CNPY1: variants seen among roughly 807,000 people sequenced by gnomAD.
The protein encoded by CNPY1 is protein canopy homolog 1.
Under a neutral mutation model 14.4 loss-of-function variants are expected in CNPY1, and 14 were observed. The ratio of observed to expected loss-of-function variants is 0.97; its 90% confidence interval spans 0.64 to 1.52. The LOEUF is 1.52. CNPY1 is among the 40% of genes most tolerant of loss of function. The probability of loss-of-function intolerance (pLI) is 0.00; values close to 1 mark genes in which losing one functional copy is unlikely to be tolerated. For synonymous variants in CNPY1, 43 were observed against 46.5 expected (o/e 0.92, Z 0.31); for missense variants, 129 against 131.5 (o/e 0.98, Z 0.09).
rs1796158205 is a variant in CNPY1, at chr7:155,502,760, G to GT, written c.*307dup. The stretch of plus-strand genomic sequence containing the variant: ...GCATACATTATGAAATCCCTATTTT[G>GT]TTTATGAAATGTCTTCGCTTTTTTC... On this transcript the variant is annotated 3_prime_UTR_variant, in exon 5 of 5. Transcript: ENST00000636446. 1 of 369,646 alleles carries GT rather than the reference G, an allele frequency of 2.7e-6. No homozygotes were observed. Among genetic ancestry groups the GT allele is most frequent in the African/African-American group, 2.1e-5 (1 of 48,718 alleles). 22.9% of individuals were successfully genotyped at this position (369,646 alleles called of 1,614,324 possible).
chr7:155,528,799 A>G lies in CNPY1; in HGVS notation c.99+17032T>C, dbSNP rs138112606. The stretch of plus-strand genomic sequence containing the variant: ...CTTTGGGCTGGGCGCGGTGGCTCAC[A>G]CCTGTAATCCCAGCACTTTGGGAGG... On this transcript the variant is annotated intron_variant, in intron 2 of 4. Coordinates refer to ENST00000636446, the MANE Select transcript of CNPY1 (RefSeq NM_001393663.1). Among the ~76,000 whole-genome samples, 356 of 152,256 alleles carry G rather than the reference A, an allele frequency of 2.3e-3. 4 individuals carry two copies. The East Asian group carries it at 0.033, about 14-fold the overall frequency.
At chr7:155,509,428 A>T (rs1322432560) in intron 2 of CNPY1, among the ~76,000 whole-genome samples, 1 of 152,246 alleles carries the variant, frequency 6.6e-6, no homozygotes, top group Non-Finnish European at 1.5e-5. Context: ...AGCATGACGC[A>T]TAGAAAATGG....
intron 2 of CNPY1, among the ~76,000 whole-genome samples, chr7:155,515,498 G>A (rs1238361736): frequency 6.6e-6 from 1 of 152,180 alleles, no homozygotes; most frequent in Non-Finnish European, 1.5e-5. Context: ...CCCCACCCTA[G>A]GGACCCGGGG....
intron 2 of CNPY1, chr7:155,510,382 C>G (rs575747467): frequency 8.9e-4 from 135 of 152,336 alleles, no homozygotes; most frequent in African/African-American, 3.2e-3. Context: ...AATAAGGAAG[C>G]CACTTTGTCA....
At chr7:155,503,548 G>C (rs564678711) in intron 4 of CNPY1, among the ~76,000 whole-genome samples, 1 of 152,022 alleles carries the variant, frequency 6.6e-6, no homozygotes, top group African/African-American at 2.4e-5. Context: ...ATCGAAAAAG[G>C]CTATGGATTA....
chr7:155,503,424 T>G (rs989882187), intron 4 of CNPY1, among the ~76,000 whole-genome samples: 2 of 152,108 alleles, frequency 1.3e-5, no homozygotes, highest in African/African-American at 4.8e-5. Flanking sequence ...CTCAGAGATA[T>G]TTCACAGCCT....
At chr7:155,518,510 C>T (rs1585313011) in intron 2 of CNPY1, 1 of 152,184 alleles carries the variant, frequency 6.6e-6, no homozygotes. Context: ...GAGAGCCAGG[C>T]ACTACCAGTG....
In CNPY1 at chr7:155,528,311, C is replaced by T. The variant is rs1419124988; in HGVS notation, c.99+17520G>A. Reference sequence around the variant, plus strand: ...TTTCATTGCTTTAAATTGGTCTTCTCGGCCTTGTAGGACTGTGGTGGGCGG... The same window carrying T: ...TTTCATTGCTTTAAATTGGTCTTCTTGGCCTTGTAGGACTGTGGTGGGCGG... On this transcript the variant is annotated intron_variant, in intron 2 of 4. Coordinates refer to ENST00000636446, the MANE Select transcript of CNPY1 (RefSeq NM_001393663.1). Among the ~76,000 whole-genome samples the T allele has an allele frequency of 3.9e-5, 6 of 152,358 alleles. No homozygotes were observed. In the East Asian group the frequency reaches 5.8e-4, roughly 15 times the overall value.
chr7:155,531,064 G>A (rs910401974), intron 2 of CNPY1, among the ~76,000 whole-genome samples: 2 of 152,190 alleles, frequency 1.3e-5, no homozygotes, highest in African/African-American at 4.8e-5. Context: ...TTTTGTTCAG[G>A]TGGAGCCCTT....
intron 2 of CNPY1, among the ~76,000 whole-genome samples, chr7:155,533,450 C>A (rs1796975906): frequency 6.6e-6 from 1 of 152,226 alleles, no homozygotes; most frequent in Non-Finnish European, 1.5e-5. Flanking sequence ...GCCTGCACAG[C>A]CACCTCGCCG....
chr7:155,528,034 T>A (rs914688063), intron 2 of CNPY1, among the ~76,000 whole-genome samples: 2 of 152,112 alleles, frequency 1.3e-5, no homozygotes, highest in African/African-American at 4.8e-5. Context: ...ATATTAGAAA[T>A]CACCATTAAT....
At chr7:155,506,695 T>G (rs1214942117) in intron 4 of CNPY1, 1 of 258,816 alleles carries the variant, frequency 3.9e-6, no homozygotes. Flanking sequence ...ATCCTCTCTC[T>G]CAAAGTTTTT....
intron 2 of CNPY1, among the ~76,000 whole-genome samples, chr7:155,516,136 G>T (rs1796618115): frequency 6.6e-6 from 1 of 152,092 alleles, no homozygotes; most frequent in South Asian, 2.1e-4. Context: ...GATTCGAAGG[G>T]AATGGTCCAC....
chr7:155,527,069 T>TCTTTCTTTCTTTCTTTCTTTCTTTC (rs1585323239), intron 2 of CNPY1, among the ~76,000 whole-genome samples: 1 of 147,066 alleles, frequency 6.8e-6, no homozygotes, highest in Non-Finnish European at 1.5e-5. Context: ...TTTTTTTTTT[T>TCTTTCTTTCTTTCTTTCTTTCTTTC]TTGAGACAGT....
intron 2 of CNPY1, among the ~76,000 whole-genome samples, chr7:155,535,055 A>C (rs1225083166): frequency 6.6e-6 from 1 of 152,194 alleles, no homozygotes; most frequent in Admixed American, 6.5e-5. Context: ...TGTTCAGCAG[A>C]AAAGGCAGCT....
In CNPY1 at chr7:155,502,003, T is replaced by TGGGGGGGGGGGGGTGG. The variant is rs60236629; in HGVS notation, c.*1064_*1065insCCACCCCCCCCCCCCC. ...GCAAAGAGTTTTGGGTCGGGGGGGT[T>TGGGGGGGGGGGGGTGG]GGGGGGGGGATTTGTAGCATCCTAC... is the stretch of plus-strand genomic sequence containing the variant. On this transcript the variant is annotated 3_prime_UTR_variant, in exon 5 of 5. Coordinates refer to ENST00000636446, the MANE Select transcript of CNPY1 (RefSeq NM_001393663.1). 14 of 125,226 alleles carry TGGGGGGGGGGGGGTGG rather than the reference T, an allele frequency of 1.1e-4. No homozygotes were observed. Among genetic ancestry groups the TGGGGGGGGGGGGGTGG allele is most frequent in the South Asian group, 2.6e-4 (1 of 3,792 alleles). The allele number at this position is 125,226 out of a possible 1,614,324, so 7.8% of individuals were successfully genotyped here. A position where few individuals can be genotyped will look rare whatever the true frequency, so the allele number is the denominator to read the frequency against.
intron 2 of CNPY1, among the ~76,000 whole-genome samples, chr7:155,526,957 T>C (rs1322007730): frequency 6.6e-6 from 1 of 152,128 alleles, no homozygotes. Context: ...AGAAACAATA[T>C]GTGTCCATCT....
intron 2 of CNPY1, among the ~76,000 whole-genome samples, chr7:155,514,690 T>G (rs933544054): frequency 3.3e-5 from 5 of 151,454 alleles, no homozygotes; most frequent in Non-Finnish European, 5.9e-5. Context: ...AGGTTGGGAG[T>G]TCAAGACCAG....
intron 2 of CNPY1, among the ~76,000 whole-genome samples, chr7:155,537,167 C>T (rs1338174382): frequency 5.9e-5 from 9 of 152,126 alleles, no homozygotes; most frequent in Non-Finnish European, 5.9e-5. Context: ...CCACGTGTCT[C>T]AGAAGAGCAG....
Sources: allele counts gnomAD v4.1 joint callset (sites outside exome capture counted in the v4.1 genomes callset), GRCh38; gene constraint gnomAD v4.1.1; transcripts MANE v1.5; gene names NCBI Gene and HGNC (gene_info 2026-07-23, HGNC 2026-07-21).